The following DLC1 variants were observed in gnomAD, a reference collection of about 807,000 sequenced individuals.
The protein encoded by DLC1 is rho GTPase-activating protein 7.
A neutral mutation model predicts 140.3 loss-of-function variants in DLC1; 54 were observed. That is an observed-to-expected ratio of 0.38 (90% CI 0.31 to 0.48). The LOEUF is 0.48. DLC1 is among the 20% of genes least tolerant of loss of function. The pLI, the probability that DLC1 is intolerant of heterozygous loss-of-function variation, is 0.96. For synonymous variants in DLC1, 986 were observed against 728.1 expected, an observed-to-expected ratio of 1.35 and a Z score of -5.70; for missense variants, 2,536 against 1,907.0, an observed-to-expected ratio of 1.33 and a Z score of -6.14.
chr8:13,417,430 A>G lies in DLC1; in HGVS notation c.1024-15811T>C, dbSNP rs1029931501. Among the ~76,000 whole-genome samples the G allele has an allele frequency of 6.0e-5, 9 of 150,170 alleles. No individual in the cohort carries two copies. In the South Asian group the frequency reaches 6.4e-4, roughly 11 times the overall value. On this transcript the variant is annotated intron_variant, in intron 2 of 17. Coordinates refer to ENST00000276297, the MANE Select transcript of DLC1 (RefSeq NM_182643.3). ...TGTGTCCATGTGTTCTCACTGTTCA[A>G]TTCCCATCTATGAGTGAGAATATGT...
At chr8:13,179,747 C>T (rs1375296912) in intron 5 of DLC1, among the ~76,000 whole-genome samples, 1 of 151,924 alleles carries the variant, frequency 6.6e-6, no homozygotes, top group Non-Finnish European at 1.5e-5. Context: ...ACAGAAAAAA[C>T]ACCCCAGGAA....
chr8:13,391,326 C>T (rs1164354315), intron 4 of DLC1, among the ~76,000 whole-genome samples: 2 of 152,162 alleles, frequency 1.3e-5, no homozygotes, highest in East Asian at 1.9e-4. Flanking sequence ...CTAGAAAGCT[C>T]TGCTTGTATT....
At chr8:13,507,193 T>C (rs1395388079) in intron 1 of DLC1, among the ~76,000 whole-genome samples, 1 of 152,206 alleles carries the variant, frequency 6.6e-6, no homozygotes, top group African/African-American at 2.4e-5. Flanking sequence ...CTAAATTGTG[T>C]ACATTTGGGC....
At position 13,126,425 on chromosome 8, in the gene DLC1, G is replaced by A. The variant is rs1211607522; in HGVS notation, c.1349-10768C>T. 4.0e-5 allele frequency among the ~76,000 whole-genome samples: 6 copies of A among 150,188 alleles called. No individual in the cohort carries two copies. The East Asian group carries it at 1.2e-3, about 29-fold the overall frequency. On this transcript the variant is annotated intron_variant, in intron 5 of 17. Coordinates refer to ENST00000276297, the MANE Select transcript of DLC1 (RefSeq NM_182643.3). ...CGTGTACGTATTTCTAGTATTCCAC[G>A]TCAAATATTTATGCAGTTCAAACTA... is the stretch of plus-strand genomic sequence containing the variant.
intron 2 of DLC1, among the ~76,000 whole-genome samples, chr8:13,437,489 C>T (rs985134079): frequency 2.0e-5 from 3 of 152,168 alleles, no homozygotes; most frequent in Non-Finnish European, 2.9e-5. Context: ...AAATCATGTT[C>T]ACATTAAGTA....
At chr8:13,188,823 ATATGTATATATATATATATATTTTTTT>A (rs1384424961) in intron 5 of DLC1, among the ~76,000 whole-genome samples, 3 of 38,992 alleles carry the variant, frequency 7.7e-5, no homozygotes, top group African/African-American at 2.6e-4. Flanking sequence ...ATATATATAT[ATATGTATATATATATATATATTTTTTT>A]TTTTTTTTTT....
chr8:13,455,089 G>A (rs1192765274), intron 2 of DLC1, among the ~76,000 whole-genome samples: 1 of 152,104 alleles, frequency 6.6e-6, no homozygotes, highest in Non-Finnish European at 1.5e-5. Flanking sequence ...GATAAGAGGT[G>A]TGAAATGACT....
At chr8:13,552,230 TA>T (rs1803892692) in intron 1 of DLC1, among the ~76,000 whole-genome samples, 1 of 146,632 alleles carries the variant, frequency 6.8e-6, no homozygotes, top group African/African-American at 2.5e-5. Context: ...TAGACAGATA[TA>T]TATATATATA....
intron 1 of DLC1, among the ~76,000 whole-genome samples, chr8:13,538,177 T>C (rs374526720): frequency 6.0e-4 from 91 of 152,214 alleles, no homozygotes; most frequent in African/African-American, 2.1e-3. Flanking sequence ...TACTGGAAAG[T>C]GGGAGCAGAG....
intron 1 of DLC1, among the ~76,000 whole-genome samples, chr8:13,522,228 A>G (rs1469245761): frequency 6.6e-6 from 1 of 152,166 alleles, no homozygotes; most frequent in African/African-American, 2.4e-5. Flanking sequence ...AGCTTTTACA[A>G]TGGAGAAGAA....
intron 5 of DLC1, among the ~76,000 whole-genome samples, chr8:13,248,945 C>G (rs1829882600): frequency 6.6e-6 from 1 of 152,124 alleles, no homozygotes; most frequent in African/African-American, 2.4e-5. Flanking sequence ...TTGGAACTCC[C>G]AAACCTCAGA....
At chr8:13,116,196 A>G in intron 5 of DLC1, 1 of 985,506 alleles carries the variant, frequency 1.0e-6, no homozygotes, top group African/African-American at 1.7e-5. Context: ...GTATTAATCC[A>G]GTAGGAGAGG....
chr8:13,239,134 T>C (rs1182276722), intron 5 of DLC1, among the ~76,000 whole-genome samples: 1 of 152,178 alleles, frequency 6.6e-6, no homozygotes, highest in East Asian at 1.9e-4. Context: ...ATAGGTTTCT[T>C]ATCTCCAGTC....
chr8:13,248,373 A>G (rs73560359), intron 5 of DLC1, among the ~76,000 whole-genome samples: 27,606 of 152,110 alleles, frequency 0.18, 2,727 homozygotes, highest in African/African-American at 0.26. Context: ...GGTTAGTTGC[A>G]GGAAGAAAGA....
chr8:13,585,397 T>C (rs542550943), intron 1 of DLC1, among the ~76,000 whole-genome samples: 4 of 152,096 alleles, frequency 2.6e-5, no homozygotes, highest in African/African-American at 9.7e-5. Flanking sequence ...GACTCTCATC[T>C]CTATAAAAAA....
At chr8:13,133,285 G>T in intron 5 of DLC1, 1 of 1,298,316 alleles carries the variant, frequency 7.7e-7, no homozygotes, top group South Asian at 1.8e-5. Context: ...CAGTCGGAGC[G>T]AACTGTCTCC....
chr8:13,120,356 A>AAAATATATATATATAT, intron 5 of DLC1, among the ~76,000 whole-genome samples: 947 of 60,724 alleles, frequency 0.016, 35 homozygotes, highest in South Asian at 0.041. Flanking sequence ...AAAAAAAAAA[A>AAAATATATATATATAT]ATATATATAT....
chr8:13,202,226 G>A (rs1827428390), intron 5 of DLC1, among the ~76,000 whole-genome samples: 1 of 152,078 alleles, frequency 6.6e-6, no homozygotes, highest in Non-Finnish European at 1.5e-5. Context: ...TTACAGGTGT[G>A]AGCCGCTGTG....
chr8:13,457,760 G>A (rs1193569839), intron 2 of DLC1, among the ~76,000 whole-genome samples: 1 of 150,720 alleles, frequency 6.6e-6, no homozygotes, highest in Non-Finnish European at 1.5e-5. Context: ...GTTCAATGAT[G>A]CAATTTAGCA....
Sources: gnomAD v4.1 joint callset for allele counts (sites outside exome capture counted in the v4.1 genomes callset) on GRCh38, gnomAD v4.1.1 for gene constraint, MANE v1.5 for transcripts, NCBI Gene and HGNC (gene_info 2026-07-23, HGNC 2026-07-21) for gene names.